Variants in MORN5 observed in about 807,000 individuals in gnomAD.
MORN5 encodes the protein MORN repeat containing 5, also known as MORN repeat-containing protein 5.
In MORN5, 21 loss-of-function variants were observed where a neutral mutation model predicts 22.1. The ratio of observed to expected loss-of-function variants is 0.95; its 90% CI spans 0.67 to 1.37. The LOEUF is 1.37. Ranked by LOEUF, MORN5 falls within the 40% of genes most tolerant of loss-of-function variation. MORN5 has a pLI of 0.00. For missense variants in MORN5, 211 were observed against 215.1 expected, an observed-to-expected ratio of 0.98 and a Z score of 0.12; for synonymous variants, 73 against 74.0, an observed-to-expected ratio of 0.99 and a Z score of 0.07.
At chr9:122,179,853 C>T (rs571731604) in intron 4 of MORN5, among the ~76,000 whole-genome samples, 3 of 152,304 alleles carry the variant, frequency 2.0e-5, no homozygotes, top group South Asian at 4.1e-4. Flanking sequence ...AATCTACCCC[C>T]ACAAACAGTG....
In MORN5 at chr9:122,173,696, G is replaced by A. The variant is rs543160986; in HGVS notation, c.308-800G>A. Among the ~76,000 whole-genome samples, 10 of 152,246 alleles carry A rather than the reference G, an allele frequency of 6.6e-5. No individual in the cohort carries two copies. The South Asian group carries it at 1.9e-3, about 28-fold the overall frequency. The stretch of plus-strand genomic sequence containing the variant: ...ATACCTAGCGTGCATGACCTAAAAG[G>A]TGCACTCAATCTTCTTTCTCTCCCA... On this transcript the variant is annotated intron_variant, in intron 3 of 4. Coordinates refer to ENST00000373764, the MANE Select transcript of MORN5 (RefSeq NM_198469.4).
At chr9:122,164,194 A>G (rs1485445760) in intron 1 of MORN5, among the ~76,000 whole-genome samples, 3 of 138,672 alleles carry the variant, frequency 2.2e-5, no homozygotes, top group African/African-American at 5.6e-5. Context: ...AAAATGGAAG[A>G]GAAGGAGGGA....
intron 4 of MORN5, among the ~76,000 whole-genome samples, chr9:122,185,811 G>GTTTCCCAC (rs1358643670): frequency 3.3e-5 from 5 of 152,162 alleles, no homozygotes; most frequent in Admixed American, 6.5e-5. Context: ...GCCAGGGCTG[G>GTTTCCCAC]TACCCTGGTT....
chr9:122,199,599 G>A (rs2118796306), intron 4 of MORN5, among the ~76,000 whole-genome samples: 1 of 152,316 alleles, frequency 6.6e-6, no homozygotes, highest in East Asian at 1.9e-4. Flanking sequence ...TGAAGCAGCT[G>A]CTCTCTGCCT....
In MORN5 at chr9:122,200,082, C is replaced by A; in HGVS notation, c.*151C>A. 1.4e-6 allele frequency: 1 copy of A among 693,216 alleles called. No individual in the cohort carries two copies. The highest frequency in any genetic ancestry group is 1.8e-5 in the South Asian group (1 of 56,428). 42.9% of individuals were successfully genotyped at this position (693,216 alleles called of 1,614,324 possible). A position where few individuals can be genotyped will look rare whatever the true frequency, so the allele number is the denominator to read the frequency against. On this transcript the variant is annotated 3_prime_UTR_variant, in exon 5 of 5. Transcript: ENST00000373764. ...CTCAGGAATAAAGACTTTCTGCGGT[C>A]AGTGGCCCCAGGTGTATTTTCCTTA...
chr9:122,180,950 A>C lies in MORN5; in HGVS notation c.439+6323A>C, dbSNP rs750703112. 3.9e-5 allele frequency among the ~76,000 whole-genome samples: 6 copies of C among 152,238 alleles called. No homozygotes were observed. The East Asian group carries it at 1.2e-3, about 29-fold the overall frequency. On this transcript the variant is annotated intron_variant, in intron 4 of 4. Transcript: ENST00000373764. ...GGAGCTGATTAAATGTTTGTAAAAG[A>C]CAAAGCATGCAGGCAGGCAGAGCAC...
At chr9:122,182,569 G>A (rs1455477641) in intron 4 of MORN5, among the ~76,000 whole-genome samples, 1 of 152,186 alleles carries the variant, frequency 6.6e-6, no homozygotes, top group Non-Finnish European at 1.5e-5. Flanking sequence ...TGGTCAACAT[G>A]GTGAAACCCT....
At chr9:122,172,420 G>A (rs780825311) in intron 3 of MORN5, among the ~76,000 whole-genome samples, 1 of 151,440 alleles carries the variant, frequency 6.6e-6, no homozygotes, top group Non-Finnish European at 1.5e-5. Context: ...CACCCTTCTC[G>A]GTTTTTCTCT....
chr9:122,174,219 T>C (rs1466085473), intron 3 of MORN5, among the ~76,000 whole-genome samples: 6 of 152,154 alleles, frequency 3.9e-5, no homozygotes, highest in Admixed American at 6.6e-5. Context: ...CTGTGCCCTT[T>C]GTCATGGTAT....
At chr9:122,188,951 T>G (rs1829700149) in intron 4 of MORN5, among the ~76,000 whole-genome samples, 1 of 152,088 alleles carries the variant, frequency 6.6e-6, no homozygotes, top group South Asian at 2.1e-4. Context: ...TCCTAGCTCT[T>G]TGGGAGGCTG....
chr9:122,175,659 C>T (rs1829439635), intron 4 of MORN5: 1 of 985,116 alleles, frequency 1.0e-6, no homozygotes, highest in Admixed American at 6.2e-5. Flanking sequence ...GGTGAATGGT[C>T]CCTCTAAAGA....
chr9:122,192,622 G>A (rs897800679), intron 4 of MORN5, among the ~76,000 whole-genome samples: 2 of 152,202 alleles, frequency 1.3e-5, no homozygotes, highest in African/African-American at 4.8e-5. Flanking sequence ...CCCTGTACAG[G>A]TCAGCTCCTC....
rs746663130 is a variant in MORN5 at position 122,200,028 on chromosome 9, C to T, written c.*97C>T. The T allele has an allele frequency of 6.3e-5, 76 of 1,215,220 alleles. No homozygotes were observed. Among genetic ancestry groups the T allele is most frequent in the Non-Finnish European group, 5.4e-5 (44 of 819,846 alleles). 75.3% of individuals were successfully genotyped at this position (1,215,220 alleles called of 1,614,324 possible). On this transcript the variant is annotated 3_prime_UTR_variant, in exon 5 of 5. Transcript: ENST00000373764. ...TACTAGCATTGGCTGCCCTGGGGGACGGGCTGTAGTTCTAGAACCTGATTT... is the reference window on the plus strand; with the variant it reads ...TACTAGCATTGGCTGCCCTGGGGGATGGGCTGTAGTTCTAGAACCTGATTT...
At chr9:122,195,910 GC>G (rs770861795) in intron 4 of MORN5, among the ~76,000 whole-genome samples, 1 of 151,984 alleles carries the variant, frequency 6.6e-6, no homozygotes, top group African/African-American at 2.4e-5. Flanking sequence ...AGGTCTTTTT[GC>G]TTTTCAGGAG....
intron 4 of MORN5, among the ~76,000 whole-genome samples, chr9:122,184,596 T>G (rs1307399115): frequency 1.3e-5 from 2 of 152,222 alleles, no homozygotes; most frequent in Non-Finnish European, 2.9e-5. Context: ...TTATTTCAGG[T>G]GATAAAGCAG....
At chr9:122,168,408 C>T (rs1264656688) in intron 2 of MORN5, among the ~76,000 whole-genome samples, 1 of 152,166 alleles carries the variant, frequency 6.6e-6, no homozygotes, top group Non-Finnish European at 1.5e-5. Flanking sequence ...CTAAGTTTTT[C>T]TCCAGGAAAA....
At chr9:122,165,190 C>CTA (rs1245357980) in intron 1 of MORN5, among the ~76,000 whole-genome samples, 6 of 152,044 alleles carry the variant, frequency 3.9e-5, no homozygotes, top group Non-Finnish European at 7.4e-5. Flanking sequence ...TAAGCACTCA[C>CTA]TATATATATG....
chr9:122,187,164 A>C (rs1452365326), intron 4 of MORN5, among the ~76,000 whole-genome samples: 1 of 152,250 alleles, frequency 6.6e-6, no homozygotes, highest in Non-Finnish European at 1.5e-5. Flanking sequence ...CTTTCGGTGC[A>C]TGTTGACAAT....
chr9:122,199,831 A>C (rs1013412396), intron 4 of MORN5, 54 bp from the exon 5 acceptor site: 2 of 1,600,052 alleles, frequency 1.2e-6, no homozygotes, highest in Non-Finnish European at 1.7e-6. Context: ...CCCCCAGGCC[A>C]GGAAAGGTCC....
Sources: allele counts gnomAD v4.1 joint callset (sites outside exome capture counted in the v4.1 genomes callset), GRCh38; gene constraint gnomAD v4.1.1; transcripts MANE v1.5; gene names NCBI Gene and HGNC (gene_info 2026-07-23, HGNC 2026-07-21).